The following FAM13A variants were observed in gnomAD, a reference collection of about 807,000 sequenced individuals.
The protein encoded by FAM13A is family with sequence similarity 13 member A, also known as protein FAM13A.
FAM13A carries 76 observed loss-of-function variants against 129.6 expected under a neutral mutation model. The ratio of observed to expected loss-of-function variants is 0.59; its 90% CI spans 0.49 to 0.71. FAM13A has a LOEUF of 0.71. Ranked by LOEUF, FAM13A falls within the 30% of genes least tolerant of loss-of-function variation. FAM13A has a pLI of 0.00. For synonymous variants in FAM13A, 443 were observed against 449.9 expected, an observed-to-expected ratio of 0.98 and a Z score of 0.20; for missense variants, 1,108 against 1,249.3, an observed-to-expected ratio of 0.89 and a Z score of 1.70.
In FAM13A at chr4:88,727,758, C is replaced by G. The variant is rs1314590258; in HGVS notation, c.*775G>C. The G allele has an allele frequency of 6.6e-6, 1 of 152,272 alleles. No homozygotes were observed. The highest frequency in any genetic ancestry group is 1.5e-5 in the Non-Finnish European group (1 of 68,090). 9.4% of individuals were successfully genotyped at this position (152,272 alleles called of 1,614,324 possible). On this transcript the variant is annotated 3_prime_UTR_variant, in exon 24 of 24. Coordinates refer to ENST00000264344, the MANE Select transcript of FAM13A (RefSeq NM_014883.4). ...GTGCAGTCAGTGTTCAGGAAAGAAT[C>G]TCCAGGCTCTTCTCCCATGACCTGG...
chr4:89,015,314 G>T (rs1337758686), intron 3 of FAM13A, among the ~76,000 whole-genome samples: 5 of 152,068 alleles, frequency 3.3e-5, no homozygotes, highest in Admixed American at 3.3e-4. Context: ...TGATCTCTGT[G>T]ACCCACACCC....
At chr4:88,818,140 C>A (rs1046430552) in intron 7 of FAM13A, among the ~76,000 whole-genome samples, 1 of 137,764 alleles carries the variant, frequency 7.3e-6, no homozygotes, top group African/African-American at 2.7e-5. Context: ...CATGCCAGCA[C>A]GCCCAGATAA....
Position 88,991,032 on chromosome 4 carries a change from A to G in FAM13A, c.546T>C (p.His182=), listed in dbSNP as rs1212440982. ...CQFLTKVAKH[H]VQNRMNVHNL... ...TGTGAACATTCATGCGATTCTGCAC[A>G]TGATGCTTGGCTACTTTTGTCAAGA... The change falls in exon 4 of 24, where the codon CAT becomes CAC. Residue 182 remains histidine (H), a synonymous_variant. Transcript: ENST00000264344. 3 of 1,614,090 alleles carry G rather than the reference A, an allele frequency of 1.9e-6. No homozygotes were observed. The highest frequency in any genetic ancestry group is 2.2e-5 in the East Asian group (1 of 44,896).
chr4:88,877,282 C>G (rs903141626), intron 6 of FAM13A, among the ~76,000 whole-genome samples: 2 of 152,028 alleles, frequency 1.3e-5, no homozygotes, highest in Non-Finnish European at 2.9e-5. Context: ...ATGTTTATAA[C>G]CTTTGAACTA....
rs145874119 is a variant in FAM13A at position 88,737,555 on chromosome 4, C to A, written c.2563G>T (p.Gly855Cys). ...CTTCTCCGCTTGCTGGAGGGGGAAC[C>A]CTGTGACAGGTGTTAACAAGTAGGT... ...LSRANTIPII[G>C]SPSSKRRSPL... is the part of the protein sequence containing the mutation. The change falls in exon 21 of 24, where the codon GGT (glycine) becomes TGT (cysteine). Residue 855 changes from glycine (G) to cysteine (C), a missense_variant and splice_region_variant. Gly to Cys is a radical substitution (Grantham distance 159). This residue lies in a region of FAM13A where 529 missense variants were observed against 621.2 expected (regional missense o/e 0.85). Transcript: ENST00000264344. 5 of 1,613,774 alleles carry A rather than the reference C, an allele frequency of 3.1e-6. No individual in the cohort carries two copies. Among genetic ancestry groups the A allele is most frequent in the Non-Finnish European group, 4.2e-6 (5 of 1,179,736 alleles).
intron 5 of FAM13A, among the ~76,000 whole-genome samples, chr4:88,919,622 C>T (rs1198099089): frequency 1.3e-5 from 2 of 152,220 alleles, no homozygotes; most frequent in Non-Finnish European, 2.9e-5. Flanking sequence ...ATGAGCGACG[C>T]AGAAGACGGG....
At chr4:88,874,074 G>A (rs1052686630) in intron 6 of FAM13A, among the ~76,000 whole-genome samples, 2 of 152,088 alleles carry the variant, frequency 1.3e-5, no homozygotes, top group African/African-American at 4.8e-5. Context: ...AAAGGCCTTC[G>A]ACAAAATTCA....
chr4:88,984,360 A>G (rs1467316870), intron 4 of FAM13A, among the ~76,000 whole-genome samples: 1 of 151,630 alleles, frequency 6.6e-6, no homozygotes, highest in African/African-American at 2.4e-5. Context: ...AAGGCAACTT[A>G]TAGAATAGAA....
At chr4:88,844,308 C>G (rs756193239) in intron 7 of FAM13A, among the ~76,000 whole-genome samples, 1 of 152,122 alleles carries the variant, frequency 6.6e-6, no homozygotes, top group Non-Finnish European at 1.5e-5. Flanking sequence ...ATAATCACAG[C>G]CTGAAACTGT....
intron 4 of FAM13A, among the ~76,000 whole-genome samples, chr4:88,984,812 T>G (rs909187947): frequency 1.3e-5 from 2 of 152,154 alleles, no homozygotes; most frequent in Non-Finnish European, 2.9e-5. Flanking sequence ...CCATTGCTGA[T>G]GGGAATATAT....
At chr4:88,734,138 C>A (rs1738472649) in intron 21 of FAM13A, among the ~76,000 whole-genome samples, 1 of 150,006 alleles carries the variant, frequency 6.7e-6, no homozygotes, top group Non-Finnish European at 1.5e-5. Context: ...ACTGATGAGA[C>A]TGGTTCCTTA....
intron 4 of FAM13A, among the ~76,000 whole-genome samples, chr4:88,946,401 CTTT>C (rs3067813): frequency 4.4e-5 from 4 of 91,716 alleles, no homozygotes; most frequent in African/African-American, 4.4e-5. Context: ...CTCCCGCGTT[CTTT>C]TTTTTTTTTT....
intron 20 of FAM13A, 71 bp downstream of exon 20, chr4:88,738,959 C>A: frequency 1.1e-6 from 1 of 926,416 alleles, no homozygotes; most frequent in Non-Finnish European, 1.8e-6. Context: ...AGGTTAGGGC[C>A]CTATTCATAT....
At chr4:88,865,960 C>T (rs1488648012) in intron 6 of FAM13A, among the ~76,000 whole-genome samples, 1 of 144,612 alleles carries the variant, frequency 6.9e-6, no homozygotes, top group Non-Finnish European at 1.5e-5. Context: ...CACAGTCTGC[C>T]TCCTGGGTTC....
intron 8 of FAM13A, among the ~76,000 whole-genome samples, chr4:88,798,418 T>C (rs988129489): frequency 1.3e-5 from 2 of 152,122 alleles, no homozygotes; most frequent in African/African-American, 4.8e-5. Flanking sequence ...AAAAAGCTGA[T>C]GAGGGCAGAG....
intron 5 of FAM13A, among the ~76,000 whole-genome samples, chr4:88,924,999 A>T (rs1579307089): frequency 6.6e-6 from 1 of 150,776 alleles, no homozygotes; most frequent in East Asian, 1.9e-4. Flanking sequence ...TCAAAACCAC[A>T]ATGAGATACC....
In FAM13A at chr4:88,767,545, C is replaced by A; in HGVS notation, c.1578+8G>T. 2.5e-6 allele frequency: 4 copies of A among 1,596,456 alleles called. No homozygotes were observed. The highest frequency in any genetic ancestry group is 3.4e-6 in the Non-Finnish European group (4 of 1,174,070). ...TCACAGTCTTACTCTTGCTTGTTAG[C>A]TACTCACCTCAAAATGCTGAGTGTG... On this transcript the variant is annotated splice_region_variant and intron_variant, in intron 13 of 23. Transcript: ENST00000264344.
At chr4:88,898,968 C>T (rs1259238450) in intron 6 of FAM13A, among the ~76,000 whole-genome samples, 6 of 151,942 alleles carry the variant, frequency 3.9e-5, no homozygotes, top group Non-Finnish European at 8.8e-5. Flanking sequence ...GATACTTTCA[C>T]AGGCATGTTT....
intron 4 of FAM13A, among the ~76,000 whole-genome samples, chr4:88,949,609 C>T (rs1165080043): frequency 6.6e-6 from 1 of 152,068 alleles, no homozygotes; most frequent in Non-Finnish European, 1.5e-5. Context: ...TCAGTATAAA[C>T]AAAAAGCTGG....
Sources: gnomAD v4.1 joint callset for allele counts (sites outside exome capture counted in the v4.1 genomes callset) on GRCh38, gnomAD v4.1.1 for gene constraint, gnomAD v4.1.1 regional missense constraint, MANE v1.5 for transcripts, NCBI Gene and HGNC (gene_info 2026-07-23, HGNC 2026-07-21) for gene names.